DCAF6: variants seen among roughly 807,000 people sequenced by gnomAD.
The protein encoded by DCAF6 is DDB1 and CUL4 associated factor 6.
Under a neutral mutation model 125.1 loss-of-function variants are expected in DCAF6, and 54 were observed. The observed-to-expected ratio is 0.43, with a 90% CI of 0.35 to 0.54. The LOEUF is 0.54. Ranked by LOEUF, DCAF6 falls within the 20% of genes least tolerant of loss-of-function variation. DCAF6 has a pLI of 0.01. For missense variants in DCAF6, 934 were observed against 1,161.7 expected (o/e 0.80, Z 2.85); for synonymous variants, 371 against 390.4 (o/e 0.95, Z 0.58).
At chr1:167,991,120 A>G in intron 5 of DCAF6, 84 bp from the exon 6 acceptor site, 1 of 1,175,372 alleles carries the variant, frequency 8.5e-7, no homozygotes, top group Middle Eastern at 3.0e-4. Flanking sequence ...TGGTTATTCT[A>G]ATTACTAATG....
rs74577863 is a variant in DCAF6 at position 168,008,446 on chromosome 1, T to A, written c.1378+3653T>A. Among the ~76,000 whole-genome samples, 78 of 152,274 alleles carry A rather than the reference T, an allele frequency of 5.1e-4. 3 individuals carry two copies. In the East Asian group the frequency reaches 0.014, roughly 27 times the overall value. On this transcript the variant is annotated intron_variant, in intron 10 of 21. Coordinates refer to ENST00000367840, the MANE Select transcript of DCAF6 (RefSeq NM_001198956.2). ...GCCAGCTCATCAGCAAGTTCTTTTG[T>A]TCCTGTATCTAAACTATAACCTGGG...
chr1:167,888,766 C>T, the DCAF6 span, among the ~76,000 whole-genome samples: 1 of 147,540 alleles, frequency 6.8e-6, no homozygotes, highest in African/African-American at 2.5e-5. Context: ...GTCCCAGCTA[C>T]TCAGGAGGCT....
chr1:167,999,386 A>G (rs1682250953), intron 7 of DCAF6, among the ~76,000 whole-genome samples: 1 of 152,166 alleles, frequency 6.6e-6, no homozygotes, highest in Non-Finnish European at 1.5e-5. Context: ...TCACCACTGC[A>G]TAAGCCCCTA....
chr1:167,884,547 T>C, the DCAF6 span, among the ~76,000 whole-genome samples: 2 of 152,186 alleles, frequency 1.3e-5, no homozygotes, highest in Non-Finnish European at 2.9e-5. Context: ...AGTTACCCTG[T>C]TGTACTAGCA....
chr1:167,963,085 C>A (rs1196684149), intron 2 of DCAF6, among the ~76,000 whole-genome samples: 1 of 151,986 alleles, frequency 6.6e-6, no homozygotes, highest in African/African-American at 2.4e-5. Flanking sequence ...CATGGTGAAA[C>A]CCTGGCTCTA....
the DCAF6 span, among the ~76,000 whole-genome samples, chr1:167,884,255 G>T: frequency 6.6e-6 from 1 of 152,208 alleles, no homozygotes; most frequent in African/African-American, 2.4e-5. Flanking sequence ...AGGAAGCATG[G>T]CTGGGGAGGA....
chr1:168,016,086 TA>T, intron 11 of DCAF6, 135 bp downstream of exon 11: 1 of 638,814 alleles, frequency 1.6e-6, no homozygotes. Flanking sequence ...TTTCCTTGCA[TA>T]TGGGTGGTAT....
intron 4 of DCAF6, among the ~76,000 whole-genome samples, chr1:167,986,293 A>G (rs554617837): frequency 3.4e-4 from 51 of 152,140 alleles, no homozygotes; most frequent in African/African-American, 7.2e-4. Flanking sequence ...TTCCATTGCA[A>G]TTGTACCATT....
At chr1:167,928,220 C>T in the DCAF6 span, among the ~76,000 whole-genome samples, 8 of 150,944 alleles carry the variant, frequency 5.3e-5, no homozygotes, top group Admixed American at 1.3e-4. Flanking sequence ...TGGTGGCAGG[C>T]GGCTGTAGTC....
intron 4 of DCAF6, among the ~76,000 whole-genome samples, chr1:167,985,289 T>G (rs1236904583): frequency 1.3e-5 from 2 of 152,116 alleles, no homozygotes; most frequent in Non-Finnish European, 2.9e-5. Flanking sequence ...CTTACTGTTC[T>G]GGAAGTCAGA....
chr1:168,022,975 A>G lies in DCAF6; in HGVS notation c.1550-13A>G. The G allele has an allele frequency of 6.2e-7, 1 of 1,613,652 alleles. No homozygotes were observed. The highest frequency in any genetic ancestry group is 1.1e-5 in the South Asian group (1 of 91,030). On this transcript the variant is annotated splice_polypyrimidine_tract_variant and intron_variant, in intron 11 of 21. Coordinates refer to ENST00000367840, the MANE Select transcript of DCAF6 (RefSeq NM_001198956.2). ...CTGCTTACTTTTAAGTTGAAATCTCATTTTTGTTTCAGATTCTCCTTCTTC... is the reference window on the plus strand; with the variant it reads ...CTGCTTACTTTTAAGTTGAAATCTCGTTTTTGTTTCAGATTCTCCTTCTTC...
At chr1:167,969,291 G>A (rs34645801) in intron 3 of DCAF6, 1 of 152,134 alleles carries the variant, frequency 6.6e-6, no homozygotes, top group South Asian at 2.1e-4. Flanking sequence ...CTCATAGAAT[G>A]TAATCTTCAG....
chr1:168,041,539 T>A (rs2101768001), intron 13 of DCAF6, among the ~76,000 whole-genome samples: 1 of 152,186 alleles, frequency 6.6e-6, no homozygotes, highest in Non-Finnish European at 1.5e-5. Context: ...TTCTAGAATT[T>A]ATTTTCCCAT....
At chr1:167,908,188 T>C in the DCAF6 span, among the ~76,000 whole-genome samples, 1 of 152,138 alleles carries the variant, frequency 6.6e-6, no homozygotes, top group African/African-American at 2.4e-5. Flanking sequence ...AAGAAAACAT[T>C]GGATAATGTA....
the DCAF6 span, among the ~76,000 whole-genome samples, chr1:167,864,647 T>C: frequency 6.6e-6 from 1 of 151,702 alleles, no homozygotes; most frequent in Non-Finnish European, 1.5e-5. Context: ...TAGAGAGAAA[T>C]ATCCAAGTAG....
intron 4 of DCAF6, among the ~76,000 whole-genome samples, chr1:167,983,356 A>T (rs1679488172): frequency 6.6e-6 from 1 of 152,044 alleles, no homozygotes; most frequent in South Asian, 2.1e-4. Context: ...TTGTTTAGTG[A>T]TTTTCCTAGA....
chr1:167,996,671 A>T (rs564555488), intron 7 of DCAF6, among the ~76,000 whole-genome samples: 2 of 152,224 alleles, frequency 1.3e-5, no homozygotes, highest in East Asian at 3.9e-4. Context: ...TGGCTTCAAG[A>T]TCTTATATTA....
chr1:167,937,091 G>T, intron 1 of DCAF6, 83 bp downstream of exon 1: 1 of 1,267,522 alleles, frequency 7.9e-7, no homozygotes, highest in East Asian at 2.5e-5. Context: ...TGTTGGAGGT[G>T]GGACGGCGTC....
chr1:167,904,810 G>A, the DCAF6 span: 2 of 733,928 alleles, frequency 2.7e-6, no homozygotes, highest in Non-Finnish European at 4.7e-6. Flanking sequence ...GAGTAAGGGA[G>A]GATGAGAGAG....
Sources: allele counts gnomAD v4.1 joint callset (sites outside exome capture counted in the v4.1 genomes callset), GRCh38; gene constraint gnomAD v4.1.1; transcripts MANE v1.5; gene names NCBI Gene and HGNC (gene_info 2026-07-23, HGNC 2026-07-21).